OSBPL1A: variants seen among roughly 807,000 people sequenced by gnomAD.
OSBPL1A encodes oxysterol-binding protein-related protein 1.
Under a neutral mutation model 137.1 loss-of-function variants are expected in OSBPL1A, and 80 were observed. The ratio of observed to expected loss-of-function variants is 0.58; its 90% CI spans 0.49 to 0.70. The LOEUF (loss-of-function observed/expected upper bound fraction) is 0.70. OSBPL1A is among the 30% of genes least tolerant of loss of function. The probability of loss-of-function intolerance (pLI) is 0.00; values close to 1 mark genes in which losing one functional copy is unlikely to be tolerated. For missense variants in OSBPL1A, 970 were observed against 1,129.4 expected (o/e 0.86, Z 2.02); for synonymous variants, 365 against 389.7 (o/e 0.94, Z 0.75).
At chr18:24,314,450 C>A in intron 11 of OSBPL1A, 103 bp from the exon 12 acceptor site, 3 of 687,576 alleles carry the variant, frequency 4.4e-6, no homozygotes, top group South Asian at 4.4e-5. Context: ...CTTAACGATA[C>A]CCAGTTGAAC....
chr18:24,315,743 TATATA>T (rs548948058), intron 11 of OSBPL1A, among the ~76,000 whole-genome samples: 2,329 of 118,116 alleles, frequency 0.02, 121 homozygotes, highest in African/African-American at 0.076. Context: ...TATAATAAAA[TATATA>T]ATATAATATA....
chr18:24,165,229 A>T, intron 26 of OSBPL1A, 74 bp from the exon 27 acceptor site: 6 of 1,321,472 alleles, frequency 4.5e-6, no homozygotes, highest in Non-Finnish European at 6.5e-6. Flanking sequence ...AAGCACAAGA[A>T]CTTCACAAAA....
intron 1 of OSBPL1A, among the ~76,000 whole-genome samples, chr18:24,393,103 T>C (rs896569270): frequency 1.3e-5 from 2 of 152,074 alleles, no homozygotes; most frequent in Non-Finnish European, 2.9e-5. Context: ...AAAAAAAAAA[T>C]ACTTATTTGC....
chr18:24,358,116 T>C (rs1304917884), intron 4 of OSBPL1A: 2 of 305,780 alleles, frequency 6.5e-6, no homozygotes, highest in Non-Finnish European at 1.2e-5. Context: ...AGGTTTAGCA[T>C]ACGATGAGAA....
Position 24,163,151 on chromosome 18 carries a change from T to G in OSBPL1A, c.*28A>C, listed in dbSNP as rs373110866. The G allele has an allele frequency of 1.3e-5, 20 of 1,512,356 alleles. No homozygotes were observed. In the African/African-American group the frequency reaches 1.7e-4, roughly 13 times the overall value. The allele number at this position is 1,512,356 out of a possible 1,614,324, so 93.7% of individuals were successfully genotyped here. On this transcript the variant is annotated 3_prime_UTR_variant, in exon 28 of 28. Transcript: ENST00000319481. ...ATAGGTTTAAGACTTATTTGTAGAT[T>G]AGCCAAACACCCTGACTTGTATGCA... is the stretch of plus-strand genomic sequence containing the variant.
chr18:24,239,883 T>C (rs1386774839), intron 15 of OSBPL1A, among the ~76,000 whole-genome samples: 1 of 151,866 alleles, frequency 6.6e-6, no homozygotes, highest in Non-Finnish European at 1.5e-5. Context: ...GGGAAACAGG[T>C]TGCCTGGTAA....
rs534957099 is a variant in OSBPL1A at position 24,198,080 on chromosome 18, G to A, written c.1602-1880C>T. On this transcript the variant is annotated intron_variant, in intron 17 of 27. Coordinates refer to ENST00000319481, the MANE Select transcript of OSBPL1A (RefSeq NM_080597.4). ...TGGGATTACAGGCGTGAGCTACCGC[G>A]CCCAGCCAAATTTTCCTTCTACTGT... Among the ~76,000 whole-genome samples, 15 of 152,116 alleles carry A rather than the reference G, an allele frequency of 9.9e-5. No homozygotes were observed. The South Asian group carries it at 2.1e-3, about 21-fold the overall frequency.
chr18:24,196,179 CAT>C lies in OSBPL1A; in HGVS notation c.1621_1622del (p.Met541ValfsTer5), dbSNP rs1231095321. 1.2e-6 allele frequency: 2 copies of C among 1,610,406 alleles called. No individual in the cohort carries two copies. The highest frequency in any genetic ancestry group is 1.7e-6 in the Non-Finnish European group (2 of 1,179,276). On this transcript the variant is annotated frameshift_variant, in exon 18 of 28. Transcript: ENST00000319481. LOFTEE classifies it high-confidence loss of function. ...AGATACTGAAGTCATTTCTGGAAAA[CAT>C]AGGAGAAGGCAAACTTGTTCTGAAA... The part of the protein sequence containing the change: ...KKHRTSLPSP[M>X]FSRNDFSIWS...
Position 24,165,067 on chromosome 18 carries a change from C to T in OSBPL1A, c.2748G>A (p.Thr916=), listed in dbSNP as rs143353189. ...CACCCCCTGACTCAGGCACGCACCT[C>T]GTCTTCCAGTCCTCTTCTGACTTGG... ...NRSKSEEDWK[T]RWFHQGPNPY... Residue 916 remains threonine, a splice_region_variant and synonymous_variant, in exon 27 of 28, where the codon ACG becomes ACA. Coordinates refer to ENST00000319481, the MANE Select transcript of OSBPL1A (RefSeq NM_080597.4). The T allele has an allele frequency of 7.4e-6, 12 of 1,614,034 alleles. No homozygotes were observed. Among genetic ancestry groups the T allele is most frequent in the Middle Eastern group, 1.6e-4 (1 of 6,082 alleles).
At chr18:24,386,047 CA>C (rs1457615837) in intron 1 of OSBPL1A, among the ~76,000 whole-genome samples, 3 of 151,976 alleles carry the variant, frequency 2.0e-5, no homozygotes, top group African/African-American at 7.3e-5. Flanking sequence ...GGCAGGGAGC[CA>C]GGGGGAGAGC....
At chr18:24,383,521 G>A (rs1349933313) in intron 1 of OSBPL1A, among the ~76,000 whole-genome samples, 1 of 152,216 alleles carries the variant, frequency 6.6e-6, no homozygotes, top group African/African-American at 2.4e-5. Context: ...ACTTTGGGAG[G>A]TCAACACAGG....
chr18:24,370,214 CTG>C (rs1419697662), intron 2 of OSBPL1A, among the ~76,000 whole-genome samples: 1 of 152,210 alleles, frequency 6.6e-6, no homozygotes, highest in Non-Finnish European at 1.5e-5. Context: ...AAGCGAGACA[CTG>C]TCTCAAAACA....
intron 13 of OSBPL1A, among the ~76,000 whole-genome samples, chr18:24,305,656 G>C (rs1222728186): frequency 3.9e-5 from 6 of 152,150 alleles, no homozygotes. Flanking sequence ...TTGATATTAT[G>C]TCAGGAACTG....
At chr18:24,349,646 TG>T (rs1418224939) in intron 4 of OSBPL1A, among the ~76,000 whole-genome samples, 3 of 150,218 alleles carry the variant, frequency 2.0e-5, no homozygotes, top group African/African-American at 7.4e-5. Context: ...ATGAGAAGTG[TG>T]AGTAAGTCCA....
intron 1 of OSBPL1A, among the ~76,000 whole-genome samples, chr18:24,384,161 T>G (rs759000548): frequency 2.0e-5 from 3 of 152,198 alleles, no homozygotes; most frequent in Admixed American, 6.5e-5. Context: ...ACCAGATACA[T>G]AACAGGGAGA....
intron 15 of OSBPL1A, among the ~76,000 whole-genome samples, chr18:24,267,210 AAG>A (rs1476896968): frequency 6.6e-6 from 1 of 151,774 alleles, no homozygotes; most frequent in Non-Finnish European, 1.5e-5. Context: ...CAAAACTTAA[AAG>A]AATTCCTAAA....
In OSBPL1A at chr18:24,194,676, C is replaced by T. The variant is rs115229677; in HGVS notation, c.1677+1449G>A. On this transcript the variant is annotated intron_variant, in intron 18 of 27. Coordinates refer to ENST00000319481, the MANE Select transcript of OSBPL1A (RefSeq NM_080597.4). ...ATGAACTATTATTTATTGAGCGCAA[C>T]GTTAAACCAGGAATAGTTCCAGGCA... Among the ~76,000 whole-genome samples the T allele has an allele frequency of 7.8e-3, 1,188 of 152,196 alleles. 13 individuals carry two copies. Among genetic ancestry groups the T allele is most frequent in the African/African-American group, 0.027 (1,133 of 41,492 alleles).
rs1339963760 is a variant in OSBPL1A at position 24,163,072 on chromosome 18, T to C, written c.*107A>G. 6 of 772,852 alleles carry C rather than the reference T, an allele frequency of 7.8e-6. No homozygotes were observed. The East Asian group carries it at 1.7e-4, about 22-fold the overall frequency. 47.9% of individuals were successfully genotyped at this position (772,852 alleles called of 1,614,324 possible). A position where few individuals can be genotyped will look rare whatever the true frequency, so the allele number is the denominator to read the frequency against. ...AATGCAGTTATCTCATGAGTGTTTT[T>C]TCATTTTTTTTTTTAAAAGATAAGT... On this transcript the variant is annotated 3_prime_UTR_variant, in exon 28 of 28. Coordinates refer to ENST00000319481, the MANE Select transcript of OSBPL1A (RefSeq NM_080597.4).
intron 17 of OSBPL1A, among the ~76,000 whole-genome samples, chr18:24,214,217 T>C (rs1327773806): frequency 1.3e-5 from 2 of 152,158 alleles, no homozygotes; most frequent in African/African-American, 4.8e-5. Flanking sequence ...AAGTGAAAAG[T>C]GAGAGTAGAT....
Sources: gnomAD v4.1 joint callset for allele counts (sites outside exome capture counted in the v4.1 genomes callset) on GRCh38, gnomAD v4.1.1 for gene constraint, MANE v1.5 for transcripts, NCBI Gene and HGNC (gene_info 2026-07-23, HGNC 2026-07-21) for gene names.